Variants in USP8 observed in about 807,000 individuals in gnomAD.
USP8 encodes ubiquitin carboxyl-terminal hydrolase 8.
In USP8, 27 loss-of-function variants were observed where a neutral mutation model predicts 130.0. The ratio of observed to expected loss-of-function variants is 0.21; its 90% CI spans 0.15 to 0.29. The LOEUF is 0.29. USP8 is among the 10% of genes least tolerant of loss of function. The pLI, the probability that USP8 is intolerant of heterozygous loss-of-function variation, is 1.00. For missense variants in USP8, 1,029 were observed against 1,312.2 expected, an observed-to-expected ratio of 0.78 and a Z score of 3.33; for synonymous variants, 392 against 444.1, an observed-to-expected ratio of 0.88 and a Z score of 1.48.
chr15:50,502,432 G>C lies in USP8; in HGVS notation c.*3344G>C, dbSNP rs1037630836. The C allele has an allele frequency of 6.6e-6, 1 of 152,304 alleles. No homozygotes were observed. Among genetic ancestry groups the C allele is most frequent in the African/African-American group, 2.4e-5 (1 of 41,412 alleles). 9.4% of individuals were successfully genotyped at this position (152,304 alleles called of 1,614,324 possible). ...TGCCCAGGCTGGAGTGCAGTGACGT[G>C]ATCTCAGCTCACCACAACCTCTGCT... On this transcript the variant is annotated 3_prime_UTR_variant, in exon 20 of 20. Transcript: ENST00000307179.
At chr15:50,475,045 G>T (rs746323944) in intron 8 of USP8, among the ~76,000 whole-genome samples, 1 of 152,228 alleles carries the variant, frequency 6.6e-6, no homozygotes, top group Non-Finnish European at 1.5e-5. Flanking sequence ...GTGGGCAGAG[G>T]TTGCAATGAG....
chr15:50,492,447 C>G (rs1270282065), intron 14 of USP8, among the ~76,000 whole-genome samples: 1 of 152,092 alleles, frequency 6.6e-6, no homozygotes, highest in South Asian at 2.1e-4. Flanking sequence ...CTCAAGGTGT[C>G]TCTAAGAACC....
In USP8 at chr15:50,514,105, AAAC is replaced by A. The variant is rs2141356104; in HGVS notation, c.*15023_*15025del. On this transcript the variant is annotated 3_prime_UTR_variant, in exon 20 of 20. Coordinates refer to ENST00000307179, the MANE Select transcript of USP8 (RefSeq NM_005154.5). ...AATGAGAATGAATAAATTACAATAT[AAAC>A]AACAATATGGATGAACATTACATAA... The A allele has an allele frequency of 6.6e-6, 1 of 152,370 alleles. No homozygotes were observed. Among genetic ancestry groups the A allele is most frequent in the African/African-American group, 2.4e-5 (1 of 41,584 alleles). The allele number at this position is 152,370 out of a possible 1,614,324, so 9.4% of individuals were successfully genotyped here.
chr15:50,495,304 GTGTATATATACATAC>G, intron 16 of USP8, among the ~76,000 whole-genome samples: 1 of 55,280 alleles, frequency 1.8e-5, no homozygotes, highest in Admixed American at 2.2e-4. Flanking sequence ...ACATATATAC[GTGTATATATACATAC>G]ATATATACAC....
chr15:50,424,682 C>T (rs560277201), intron 1 of USP8, 168 bp downstream of exon 1: 20 of 394,676 alleles, frequency 5.1e-5, no homozygotes, highest in Admixed American at 1.3e-4. Flanking sequence ...AGAGGAAAGG[C>T]CCAACCTTGA....
intron 12 of USP8, among the ~76,000 whole-genome samples, chr15:50,487,222 GTTC>G (rs750418382): frequency 1.3e-5 from 2 of 151,812 alleles, no homozygotes; most frequent in African/African-American, 2.4e-5. Flanking sequence ...TTTTATTAAA[GTTC>G]TTCTAAGAAC....
intron 7 of USP8, among the ~76,000 whole-genome samples, chr15:50,468,728 A>G (rs1041171125): frequency 6.6e-6 from 1 of 151,908 alleles, no homozygotes; most frequent in African/African-American, 2.4e-5. Flanking sequence ...AGTAGACCCC[A>G]GTGTCTGTTG....
chr15:50,471,613 TA>T lies in USP8; in HGVS notation c.687-17del. On this transcript the variant is annotated intron_variant, in intron 7 of 19. Transcript: ENST00000307179. ...CCTCTTGTTGACTTTTGCCCCAATT[TA>T]AATATTAATACATTTCAGAGTCACT... is the stretch of plus-strand genomic sequence containing the variant. 4 of 1,601,558 alleles carry T rather than the reference TA, an allele frequency of 2.5e-6. No homozygotes were observed. Among genetic ancestry groups the T allele is most frequent in the Non-Finnish European group, 3.4e-6 (4 of 1,176,158 alleles).
rs1387135959 is a variant in USP8 at position 50,495,968 on chromosome 15, C to G, written c.2779C>G (p.Gln927Glu). ...LNESIIVALF[Q>E]GQFKSTVQCL... ...TGAGTCTATTATTGTTGCACTTTTT[C>G]AGGGTCAATTCAAATCTACAGTACA... Residue 927 changes from glutamine (Q) to glutamate (E), a missense_variant, in exon 17 of 20, where the codon CAG (glutamine) becomes GAG (glutamate). Gln to Glu is a conservative substitution (Grantham distance 29). Coordinates refer to ENST00000307179, the MANE Select transcript of USP8 (RefSeq NM_005154.5). The G allele has an allele frequency of 6.2e-7, 1 of 1,613,714 alleles. No individual in the cohort carries two copies. The highest frequency in any genetic ancestry group is 1.3e-5 in the African/African-American group (1 of 74,878).
chr15:50,485,537 A>T (rs1234144393), intron 12 of USP8, among the ~76,000 whole-genome samples: 1 of 108,186 alleles, frequency 9.2e-6, no homozygotes, highest in African/African-American at 3.2e-5. Context: ...CATTTTTAGC[A>T]TGCAGTTTAG....
rs536599086 is a variant in USP8, at chr15:50,505,698, C to T, written c.*6610C>T. 6.6e-6 allele frequency: 1 copy of T among 152,524 alleles called. No individual in the cohort carries two copies. Among genetic ancestry groups the T allele is most frequent in the Admixed American group, 6.5e-5 (1 of 15,304 alleles). The allele number at this position is 152,524 out of a possible 1,614,324, so 9.4% of individuals were successfully genotyped here. ...AACCGGCTGGGCATGGTGGTTCACA[C>T]CTGTAATCCCAGCACTTTGGAAGGC... On this transcript the variant is annotated 3_prime_UTR_variant, in exon 20 of 20. Transcript: ENST00000307179.
chr15:50,467,983 G>A (rs1308470823), intron 7 of USP8, among the ~76,000 whole-genome samples: 1 of 151,598 alleles, frequency 6.6e-6, no homozygotes, highest in African/African-American at 2.4e-5. Context: ...CGCCCAGGCT[G>A]GAGTGCAATG....
chr15:50,471,525 A>G (rs2051375579), intron 7 of USP8, 108 bp from the exon 8 acceptor site: 6 of 1,207,908 alleles, frequency 5.0e-6, no homozygotes, highest in Middle Eastern at 5.8e-4. Flanking sequence ...TCTACTTAAA[A>G]TTTGCTATGG....
chr15:50,496,829 G>T (rs1228207929), intron 17 of USP8: 2 of 308,588 alleles, frequency 6.5e-6, no homozygotes, highest in Non-Finnish European at 5.9e-6. Context: ...CTCCAACAGG[G>T]TTTCTCTGAT....
At position 50,510,294 on chromosome 15, in the gene USP8, CTT is replaced by C. The variant is rs1401856928; in HGVS notation, c.*11208_*11209del. ...GTTTGGAAGATATGTAGGTAAATAT[CTT>C]TGTAATTCCAGGGTTGGAAAGGATT... On this transcript the variant is annotated 3_prime_UTR_variant, in exon 20 of 20. Coordinates refer to ENST00000307179, the MANE Select transcript of USP8 (RefSeq NM_005154.5). 6.6e-6 allele frequency: 1 copy of C among 152,008 alleles called. No individual in the cohort carries two copies. Among genetic ancestry groups the C allele is most frequent in the Admixed American group, 6.6e-5 (1 of 15,258 alleles). 9.4% of individuals were successfully genotyped at this position (152,008 alleles called of 1,614,324 possible). A position where few individuals can be genotyped will look rare whatever the true frequency, so the allele number is the denominator to read the frequency against.
At position 50,441,504 on chromosome 15, in the gene USP8, T is replaced by G. The variant is rs562715260; in HGVS notation, c.249+11T>G. On this transcript the variant is annotated intron_variant, in intron 3 of 19. Transcript: ENST00000307179. ...TTCAAGCAACAGCAGGTACCTTTTA[T>G]TTTTGCATTGTTATTTCCTAAGTTA... 6.5e-7 allele frequency: 1 copy of G among 1,545,844 alleles called. No individual in the cohort carries two copies. Among genetic ancestry groups the G allele is most frequent in the East Asian group, 2.3e-5 (1 of 42,990 alleles).
rs2051769354 is a variant in USP8 at position 50,481,553 on chromosome 15, G to A, written c.1291G>A (p.Glu431Lys). ...HRIKSESTNH[E>K]QQSPQSGKVI... is the part of the protein sequence containing the mutation. ...AATAAAATCTGAAAGTACAAACCATGAGCAACAATCTCCTCAGAGTGGAAA... is the reference window on the plus strand; with the variant it reads ...AATAAAATCTGAAAGTACAAACCATAAGCAACAATCTCCTCAGAGTGGAAA... The change falls in exon 11 of 20, where the codon GAG (glutamate) becomes AAG (lysine). Residue 431 changes from glutamate to lysine, a missense_variant. This residue lies in a region of USP8 where 486 missense variants were observed against 522.0 expected (regional missense o/e 0.93). Coordinates refer to ENST00000307179, the MANE Select transcript of USP8 (RefSeq NM_005154.5). 1 of 1,612,328 alleles carries A rather than the reference G, an allele frequency of 6.2e-7. No individual in the cohort carries two copies. Among genetic ancestry groups the A allele is most frequent in the Non-Finnish European group, 8.5e-7 (1 of 1,179,604 alleles).
At chr15:50,440,797 G>C (rs1182204168) in intron 2 of USP8, among the ~76,000 whole-genome samples, 1 of 152,078 alleles carries the variant, frequency 6.6e-6, no homozygotes, top group East Asian at 1.9e-4. Context: ...GAGGTCAGGA[G>C]TTCAAGACCA....
chr15:50,491,214 G>A (rs939944487), intron 14 of USP8, among the ~76,000 whole-genome samples: 2 of 152,034 alleles, frequency 1.3e-5, no homozygotes, highest in Non-Finnish European at 2.9e-5. Context: ...GGCAATAGGT[G>A]GAAGTATAAA....
Sources: allele counts gnomAD v4.1 joint callset (sites outside exome capture counted in the v4.1 genomes callset), GRCh38; gene constraint gnomAD v4.1.1; regional missense constraint gnomAD v4.1.1; transcripts MANE v1.5; gene names NCBI Gene and HGNC (gene_info 2026-07-23, HGNC 2026-07-21).